The following NPY2R variants were observed in gnomAD, a reference collection of about 807,000 sequenced individuals.
NPY2R encodes the protein neuropeptide Y receptor type 2.
In NPY2R, 17 loss-of-function variants were observed where a neutral mutation model predicts 22.3. The ratio of observed to expected loss-of-function variants is 0.76; its 90% CI spans 0.52 to 1.14. The LOEUF (loss-of-function observed/expected upper bound fraction) is 1.14, where lower values mean the gene tolerates loss of function less well. NPY2R is among the 50% of genes most tolerant of loss of function. NPY2R has a pLI of 0.00. For missense variants in NPY2R, 424 were observed against 467.9 expected, an observed-to-expected ratio of 0.91 and a Z score of 0.87; for synonymous variants, 209 against 183.4, an observed-to-expected ratio of 1.14 and a Z score of -1.13.
At position 155,217,069 on chromosome 4, in the gene NPY2R, GA is replaced by G; in HGVS notation, c.*1988del. ...CTTTATGTTGCAATTAAAAAGTTGG[GA>G]AAATGAGAGAAATTGTGTGGAATTT... On this transcript the variant is annotated 3_prime_UTR_variant, in exon 2 of 2. Transcript: ENST00000329476. 6.1e-6 allele frequency: 1 copy of G among 164,344 alleles called. No homozygotes were observed. 10.2% of individuals were successfully genotyped at this position (164,344 alleles called of 1,614,324 possible).
upstream of NPY2R, among the ~76,000 whole-genome samples, chr4:155,205,253 A>G (rs548044809): frequency 4.9e-4 from 75 of 152,318 alleles, no homozygotes; most frequent in Non-Finnish European, 7.1e-4. Flanking sequence ...ATTATTGCAG[A>G]AAGTTCTGTG....
At chr4:155,174,482 A>ATT in the NPY2R span, among the ~76,000 whole-genome samples, 8,553 of 104,180 alleles carry the variant, frequency 0.082, 510 homozygotes, top group East Asian at 0.27. Context: ...ATATATATAT[A>ATT]TATTTTTTTT....
chr4:155,196,997 G>T, the NPY2R span, among the ~76,000 whole-genome samples: 7 of 151,932 alleles, frequency 4.6e-5, no homozygotes, highest in African/African-American at 9.6e-5. Context: ...TCTGTTAAAA[G>T]AAATTTTACA....
At chr4:155,194,237 A>AT in the NPY2R span, among the ~76,000 whole-genome samples, 15 of 151,764 alleles carry the variant, frequency 9.9e-5, no homozygotes, top group East Asian at 5.8e-4. Flanking sequence ...TGTTTTATAT[A>AT]TTTTTTCTTT....
chr4:155,195,245 T>G, the NPY2R span, among the ~76,000 whole-genome samples: 1 of 151,970 alleles, frequency 6.6e-6, no homozygotes, highest in Non-Finnish European at 1.5e-5. Flanking sequence ...TCTCTCTGTC[T>G]CTCTCTCTCC....
intron 1 of NPY2R, among the ~76,000 whole-genome samples, chr4:155,211,333 GGGCTTGGGGTAACTGAGA>G (rs1169710982): frequency 6.6e-6 from 1 of 152,166 alleles, no homozygotes; most frequent in African/African-American, 2.4e-5. Context: ...GTGAGCACAG[GGGCTTGGGGTAACTGAGA>G]GGCTTCCCAG....
chr4:155,185,044 A>ATATATATT, the NPY2R span, among the ~76,000 whole-genome samples: 43 of 140,626 alleles, frequency 3.1e-4, no homozygotes, highest in African/African-American at 1.1e-3. Flanking sequence ...ATATATATAT[A>ATATATATT]TTTTTTTTTT....
At chr4:155,182,471 G>A in the NPY2R span, among the ~76,000 whole-genome samples, 3 of 152,068 alleles carry the variant, frequency 2.0e-5, no homozygotes, top group East Asian at 5.8e-4. Flanking sequence ...CAGAGAAAGA[G>A]AAGTTTTGGT....
the NPY2R span, among the ~76,000 whole-genome samples, chr4:155,191,780 A>G: frequency 1.3e-5 from 2 of 151,856 alleles, no homozygotes; most frequent in Non-Finnish European, 2.9e-5. Flanking sequence ...TAACATTGCA[A>G]CTTATTTTTC....
At chr4:155,194,266 T>G in the NPY2R span, among the ~76,000 whole-genome samples, 2 of 151,934 alleles carry the variant, frequency 1.3e-5, no homozygotes, top group African/African-American at 4.8e-5. Flanking sequence ...TTATTTTAGG[T>G]TCAGGACATA....
the NPY2R span, among the ~76,000 whole-genome samples, chr4:155,179,817 A>G: frequency 0.47 from 71,695 of 151,800 alleles, 17,638 homozygotes; most frequent in East Asian, 0.7. Flanking sequence ...TCTCCCTAAG[A>G]TCTGGTCTCC....
chr4:155,213,370 A>G (rs1397433006), intron 1 of NPY2R, among the ~76,000 whole-genome samples: 1 of 152,232 alleles, frequency 6.6e-6, no homozygotes, highest in Non-Finnish European at 1.5e-5. Context: ...TGCTTGGTTT[A>G]TCTGAGATAA....
At chr4:155,185,044 A>ATATATT in the NPY2R span, among the ~76,000 whole-genome samples, 1,727 of 140,602 alleles carry the variant, frequency 0.012, 38 homozygotes, top group African/African-American at 0.032. Flanking sequence ...ATATATATAT[A>ATATATT]TTTTTTTTTT....
chr4:155,211,008 T>C (rs551936615), intron 1 of NPY2R, among the ~76,000 whole-genome samples: 9 of 152,126 alleles, frequency 5.9e-5, no homozygotes, highest in Non-Finnish European at 1.3e-4. Context: ...AGTTATCTGA[T>C]TAAGAATAAG....
At chr4:155,208,405 A>G (rs2234759), upstream of NPY2R, 34,404 of 152,208 alleles carry the variant, frequency 0.23, 4,433 homozygotes, top group East Asian at 0.51. This position sits in a 1 kb window ranked among gnomAD's most constrained non-coding sequence, Gnocchi z 5.6. Context: ...CCTCAAGTCC[A>G]GGAGGTCTGT....
At chr4:155,174,462 T>TTATATATATATA in the NPY2R span, among the ~76,000 whole-genome samples, 278 of 116,584 alleles carry the variant, frequency 2.4e-3, 6 homozygotes, top group African/African-American at 0.011. Context: ...TGGCTAAGCT[T>TTATATATATATA]TATATATATA....
the NPY2R span, chr4:155,174,227 C>G: frequency 7.2e-5 from 11 of 151,856 alleles, no homozygotes; most frequent in East Asian, 2.1e-3. Flanking sequence ...AAGCTAAGAA[C>G]CAAGTTTCCC....
intron 1 of NPY2R, among the ~76,000 whole-genome samples, chr4:155,213,148 G>T (rs985952396): frequency 6.6e-6 from 1 of 152,096 alleles, no homozygotes; most frequent in Non-Finnish European, 1.5e-5. Flanking sequence ...GTGGGAATGG[G>T]AGTGAGGGAT....
the NPY2R span, among the ~76,000 whole-genome samples, chr4:155,187,142 A>T: frequency 3.9e-5 from 6 of 152,318 alleles, no homozygotes; most frequent in Non-Finnish European, 7.3e-5. Context: ...TCAGTTACAG[A>T]TGTGCAGGCA....
Sources: gnomAD v4.1 joint callset for allele counts (sites outside exome capture counted in the v4.1 genomes callset) on GRCh38, gnomAD v4.1.1 for gene constraint, Gnocchi (gnomAD v3.1) non-coding constraint, MANE v1.5 for transcripts, NCBI Gene and HGNC (gene_info 2026-07-23, HGNC 2026-07-21) for gene names.